The following PARP4 variants were observed in gnomAD, a reference collection of about 807,000 sequenced individuals.
The protein encoded by PARP4 is protein mono-ADP-ribosyltransferase PARP4.
A neutral mutation model predicts 187.7 loss-of-function variants in PARP4; 120 were observed. The ratio of observed to expected loss-of-function variants is 0.64; its 90% CI spans 0.55 to 0.74. The LOEUF is 0.74. Ranked by LOEUF, PARP4 falls within the 30% of genes least tolerant of loss-of-function variation. The pLI is 0.00. For missense variants in PARP4, 1,836 were observed against 2,070.5 expected, an observed-to-expected ratio of 0.89 and a Z score of 2.20; for synonymous variants, 654 against 740.9, an observed-to-expected ratio of 0.88 and a Z score of 1.90.
In PARP4 at chr13:24,489,220, T is replaced by C. The variant is rs543818288; in HGVS notation, c.1214+1448A>G. The stretch of plus-strand genomic sequence containing the variant: ...TCAAGTTTAATTTGTTGAGGAATCA[T>C]CTAACGCAGGCTGCATCATTTTTCC... On this transcript the variant is annotated intron_variant, in intron 10 of 33. Transcript: ENST00000381989. Among the ~76,000 whole-genome samples the C allele has an allele frequency of 2.0e-5, 3 of 152,310 alleles. No individual in the cohort carries two copies. The South Asian group carries it at 6.2e-4, about 32-fold the overall frequency.
chr13:24,494,793 G>A, intron 6 of PARP4, 71 bp from the exon 7 acceptor site: 1 of 1,047,724 alleles, frequency 9.5e-7, no homozygotes, highest in Non-Finnish European at 1.4e-6. Flanking sequence ...CATAAATAAA[G>A]CAGTAGGTCC....
chr13:24,497,862 G>A (rs757582482), intron 6 of PARP4, among the ~76,000 whole-genome samples: 4 of 152,240 alleles, frequency 2.6e-5, no homozygotes, highest in Non-Finnish European at 4.4e-5. Context: ...CAAGAAGGCA[G>A]CTGTCTGTAA....
At chr13:24,425,942 G>A (rs965676337) in intron 33 of PARP4, among the ~76,000 whole-genome samples, 4 of 152,154 alleles carry the variant, frequency 2.6e-5, no homozygotes, top group Non-Finnish European at 1.5e-5. Context: ...ACCAAGGGCC[G>A]AATTTGAACC....
intron 12 of PARP4, among the ~76,000 whole-genome samples, chr13:24,481,898 T>C (rs931347183): frequency 2.0e-5 from 3 of 152,200 alleles, no homozygotes; most frequent in African/African-American, 7.2e-5. Flanking sequence ...TGTAAGGCTA[T>C]AGCTGCCATA....
chr13:24,458,411 G>GTT (rs202018235), intron 20 of PARP4, among the ~76,000 whole-genome samples: 20 of 144,942 alleles, frequency 1.4e-4, no homozygotes, highest in Non-Finnish European at 1.5e-4. Flanking sequence ...ACTCAGCCAA[G>GTT]TTTTTTTTTT....
At chr13:24,450,138 A>C (rs1435141226) in intron 24 of PARP4, among the ~76,000 whole-genome samples, 1 of 152,162 alleles carries the variant, frequency 6.6e-6, no homozygotes, top group African/African-American at 2.4e-5. Flanking sequence ...GCTGACAAAG[A>C]TATCAACTTA....
Position 24,431,389 on chromosome 13 carries a change from T to C in PARP4, c.4834A>G (p.Ile1612Val). 1 of 1,572,494 alleles carries C rather than the reference T, an allele frequency of 6.4e-7. No homozygotes were observed. Among genetic ancestry groups the C allele is most frequent in the East Asian group, 2.3e-5 (1 of 44,152 alleles). ...GLHSFLKQKG[I>V]QSLGVKGREC... ...CATAGTGCCTTACCTAGAGATTGAA[T>C]GCCTTTTTGTTTAAGAAAGCTGTGC... Residue 1612 changes from isoleucine to valine, a missense_variant, in exon 32 of 34, where the codon ATT becomes GTT. Physicochemically the swap from Ile to Val is conservative, Grantham distance 29 (BLOSUM62 3). Around this residue, in one of 8 missense-constraint regions of PARP4, gnomAD observed 6 missense variants for 22.8 expected, o/e 0.26. Transcript: ENST00000381989.
At chr13:24,455,860 C>T (rs1430681962) in intron 21 of PARP4, among the ~76,000 whole-genome samples, 1 of 151,936 alleles carries the variant, frequency 6.6e-6, no homozygotes, top group Non-Finnish European at 1.5e-5. Context: ...TGAGCTCAAG[C>T]AATCCATCTG....
intron 3 of PARP4, among the ~76,000 whole-genome samples, chr13:24,501,321 G>A (rs1202302061): frequency 1.3e-5 from 2 of 152,170 alleles, no homozygotes; most frequent in Admixed American, 1.3e-4. Flanking sequence ...CCAGTCATTA[G>A]GTTGTAGTAA....
rs747253179 is a variant in PARP4 at position 24,486,124 on chromosome 13, T to C, written c.1352+44A>G. On this transcript the variant is annotated intron_variant, in intron 11 of 33. Transcript: ENST00000381989. ...AAAAAAGAAGTAAAACACTTCACAT[T>C]TGTGAGCCTGAAATTTTTGAAAAAT... 8 of 1,560,908 alleles carry C rather than the reference T, an allele frequency of 5.1e-6. No homozygotes were observed. In the African/African-American group the frequency reaches 6.9e-5, roughly 13 times the overall value.
chr13:24,492,369 C>A (rs538908820), intron 9 of PARP4, 52 bp downstream of exon 9: 91 of 1,315,892 alleles, frequency 6.9e-5, no homozygotes, highest in Non-Finnish European at 1.4e-5. Context: ...CTAAAGACCC[C>A]CACCCTCAAC....
rs1193590594 is a variant in PARP4, at chr13:24,435,474, A to C, written c.3667T>G (p.Ser1223Ala). 6.3e-7 allele frequency: 1 copy of C among 1,578,470 alleles called. No homozygotes were observed. Among genetic ancestry groups the C allele is most frequent in the Non-Finnish European group, 8.6e-7 (1 of 1,169,544 alleles). ...GEPQEAVRNQ[S>A]LLASSEWPEL... is the part of the protein sequence containing the mutation. ...GGCCACTCAGAGGATGCTAAAAGAG[A>C]CTGCCCAGAAGACAGAATTATTAAC... The change falls in exon 31 of 34, where the codon TCT becomes GCT. Residue 1223 changes from serine to alanine, a missense_variant and splice_region_variant. Physicochemically the swap from Ser to Ala is moderately conservative, Grantham distance 99. Coordinates refer to ENST00000381989, the MANE Select transcript of PARP4 (RefSeq NM_006437.4).
At chr13:24,509,611 A>T (rs750050482) in intron 1 of PARP4, among the ~76,000 whole-genome samples, 10 of 152,198 alleles carry the variant, frequency 6.6e-5, no homozygotes, top group Admixed American at 3.9e-4. Flanking sequence ...TTTTTTGGAT[A>T]CATAATAGTT....
chr13:24,454,124 C>CT (rs1491402899), intron 22 of PARP4, among the ~76,000 whole-genome samples: 1 of 151,966 alleles, frequency 6.6e-6, no homozygotes, highest in Admixed American at 6.6e-5. Flanking sequence ...ATTCACCACA[C>CT]TATTTTTCTA....
chr13:24,432,610 C>T (rs1294731403), intron 31 of PARP4, among the ~76,000 whole-genome samples: 2 of 152,162 alleles, frequency 1.3e-5, no homozygotes, highest in Non-Finnish European at 2.9e-5. Flanking sequence ...TATACCACAT[C>T]GGATTGTCAA....
chr13:24,447,787 C>A (rs867380267), intron 25 of PARP4, among the ~76,000 whole-genome samples: 1 of 152,202 alleles, frequency 6.6e-6, no homozygotes, highest in Non-Finnish European at 1.5e-5. Flanking sequence ...AGATATTTCT[C>A]CAAAGAAGAT....
intron 6 of PARP4, among the ~76,000 whole-genome samples, chr13:24,496,134 G>A (rs1307957653): frequency 6.6e-6 from 1 of 152,152 alleles, no homozygotes; most frequent in Admixed American, 6.5e-5. Context: ...CCTGAGGGAT[G>A]TCCTGGCCTA....
chr13:24,425,825 A>C (rs1003579514), intron 33 of PARP4, among the ~76,000 whole-genome samples: 1 of 152,010 alleles, frequency 6.6e-6, no homozygotes, highest in Non-Finnish European at 1.5e-5. Flanking sequence ...TGGTGCTACA[A>C]GGTGGCTGGT....
At chr13:24,458,597 C>CA (rs200175361) in intron 20 of PARP4, among the ~76,000 whole-genome samples, 2,350 of 151,554 alleles carry the variant, frequency 0.016, 71 homozygotes, top group African/African-American at 0.053. Context: ...ACAAAACAAA[C>CA]AAAAAAAACT....
Sources: gnomAD v4.1 joint callset for allele counts (sites outside exome capture counted in the v4.1 genomes callset) on GRCh38, gnomAD v4.1.1 for gene constraint, gnomAD v4.1.1 regional missense constraint, MANE v1.5 for transcripts, NCBI Gene and HGNC (gene_info 2026-07-23, HGNC 2026-07-21) for gene names.